CNTD1: variants seen among roughly 807,000 people sequenced by gnomAD.
CNTD1 encodes the protein cyclin N-terminal domain-containing protein 1.
Under a neutral mutation model 36.3 loss-of-function variants are expected in CNTD1, and 17 were observed. The observed-to-expected ratio is 0.47, with a 90% CI of 0.32 to 0.70. The LOEUF (loss-of-function observed/expected upper bound fraction) is 0.70. CNTD1 is among the 30% of genes least tolerant of loss of function. The probability of loss-of-function intolerance (pLI) is 0.03; values close to 1 mark genes in which losing one functional copy is unlikely to be tolerated. For synonymous variants in CNTD1, 128 were observed against 153.3 expected (o/e 0.83, Z 1.22); for missense variants, 338 against 386.1 (o/e 0.88, Z 1.04).
At position 42,805,948 on chromosome 17, in the gene CNTD1, T is replaced by TG. The variant is rs534658388; in HGVS notation, c.580+71dup. 3.4e-4 allele frequency: 488 copies of TG among 1,453,496 alleles called. 1 individual carries two copies. In the East Asian group the frequency reaches 3.4e-3, roughly 10 times the overall value. The allele number at this position is 1,453,496 out of a possible 1,614,324, so 90.0% of individuals were successfully genotyped here. On this transcript the variant is annotated intron_variant, in intron 4 of 6. Transcript: ENST00000588408. ...CATAGAAGGCAATACAAAATGTGCA[T>TG]GGGGGGGCATGGCTCATGCCTGTAA... is the stretch of plus-strand genomic sequence containing the variant.
In CNTD1 at chr17:42,811,555, T is replaced by C. The variant is rs1367637043; in HGVS notation, c.*2020T>C. 6.7e-7 allele frequency: 1 copy of C among 1,488,242 alleles called. No individual in the cohort carries two copies. The highest frequency in any genetic ancestry group is 1.4e-5 in the African/African-American group (1 of 70,990). 92.2% of individuals were successfully genotyped at this position (1,488,242 alleles called of 1,614,324 possible). On this transcript the variant is annotated 3_prime_UTR_variant, in exon 7 of 7. Coordinates refer to ENST00000588408, the MANE Select transcript of CNTD1 (RefSeq NM_173478.3). Reference sequence around the variant, plus strand: ...ATGTGATTCTGTGCCATTTTTTTGCTTTCCCACCATTTATACTGTTTTGCC... The same window carrying C: ...ATGTGATTCTGTGCCATTTTTTTGCCTTCCCACCATTTATACTGTTTTGCC...
intron 3 of CNTD1, chr17:42,805,311 A>T (rs1444916928): frequency 6.3e-6 from 1 of 159,862 alleles, no homozygotes; most frequent in Non-Finnish European, 1.4e-5. Context: ...GGGAAAAGAC[A>T]CATACAAATA....
At chr17:42,801,507 AAAAATATATAT>A (rs1410542902) in intron 1 of CNTD1, among the ~76,000 whole-genome samples, 2 of 55,362 alleles carry the variant, frequency 3.6e-5, no homozygotes, top group African/African-American at 2.4e-4. Context: ...AAAAAAAAAA[AAAAATATATAT>A]ATATATATAT....
At chr17:42,807,616 G>A (rs2054902345) in intron 5 of CNTD1, 152 bp from the exon 6 acceptor site, 1 of 624,024 alleles carries the variant, frequency 1.6e-6, no homozygotes, top group Admixed American at 2.6e-5. Context: ...GGGAGAGCAG[G>A]TCAATGAGCT....
rs2054876448 is a variant in CNTD1 at position 42,806,220 on chromosome 17, CCTT to C, written c.580+339_580+341del. Among the ~76,000 whole-genome samples the C allele has an allele frequency of 2.7e-5, 4 of 147,446 alleles. No individual in the cohort carries two copies. In the South Asian group the frequency reaches 8.4e-4, roughly 31 times the overall value. Reference sequence around the variant, plus strand: ...TCCAGCCTGAGCAACAGAGCGGACTCCTTCTCAAAAAAAAAAAAAAATGTGCAC... The same window carrying C: ...TCCAGCCTGAGCAACAGAGCGGACTCCTCAAAAAAAAAAAAAAATGTGCAC... On this transcript the variant is annotated intron_variant, in intron 4 of 6. Transcript: ENST00000588408.
In CNTD1 at chr17:42,806,834, T is replaced by C. The variant is rs750009308; in HGVS notation, c.725+16T>C. The C allele has an allele frequency of 5.6e-6, 9 of 1,613,160 alleles. No homozygotes were observed. Among genetic ancestry groups the C allele is most frequent in the East Asian group, 2.2e-5 (1 of 44,874 alleles). On this transcript the variant is annotated intron_variant, in intron 5 of 6. Coordinates refer to ENST00000588408, the MANE Select transcript of CNTD1 (RefSeq NM_173478.3). ...AGCTGCAAGGGTAAGACAACTCCTA[T>C]AGGGTAGGCTCCTTCCAGGAACAGG... is the stretch of plus-strand genomic sequence containing the variant.
intron 6 of CNTD1, among the ~76,000 whole-genome samples, chr17:42,808,690 C>T (rs1459701615): frequency 3.5e-5 from 5 of 144,492 alleles, no homozygotes; most frequent in South Asian, 2.2e-4. Context: ...GCCATGATTG[C>T]GCCACTGTAC....
chr17:42,801,508 AAAATATATATATAT>A lies in CNTD1; in HGVS notation c.170-2110_170-2097del, dbSNP rs1337657010. On this transcript the variant is annotated intron_variant, in intron 1 of 6. Coordinates refer to ENST00000588408, the MANE Select transcript of CNTD1 (RefSeq NM_173478.3). The stretch of plus-strand genomic sequence containing the variant: ...GAGACCTTGTCTCAAAAAAAAAAAA[AAAATATATATATAT>A]ATATATATATATATATATATATATA... Among the ~76,000 whole-genome samples, 26 of 50,970 alleles carry A rather than the reference AAAATATATATATAT, an allele frequency of 5.1e-4. 2 individuals are homozygous for A. Among genetic ancestry groups the A allele is most frequent in the African/African-American group, 2.0e-3 (13 of 6,528 alleles). The allele number at this position is 50,970 out of a possible 152,430, so 33.4% of individuals were successfully genotyped here.
At chr17:42,801,737 C>G (rs891509546) in intron 1 of CNTD1, among the ~76,000 whole-genome samples, 20 of 151,586 alleles carry the variant, frequency 1.3e-4, no homozygotes, top group African/African-American at 4.8e-4. Context: ...ATTGTTGAAA[C>G]TGTGGCAGAG....
rs2054960763 is a variant in CNTD1 at position 42,810,084 on chromosome 17, G to C, written c.*549G>C. 6.6e-6 allele frequency: 1 copy of C among 152,310 alleles called. No individual in the cohort carries two copies. The highest frequency in any genetic ancestry group is 1.5e-5 in the Non-Finnish European group (1 of 68,096). The allele number at this position is 152,310 out of a possible 1,614,324, so 9.4% of individuals were successfully genotyped here. A position where few individuals can be genotyped will look rare whatever the true frequency, so the allele number is the denominator to read the frequency against. On this transcript the variant is annotated 3_prime_UTR_variant, in exon 7 of 7. Coordinates refer to ENST00000588408, the MANE Select transcript of CNTD1 (RefSeq NM_173478.3). ...CATTCATTAGAACTTGATTCTCCCA[G>C]AATACAAAGTACTCTATTTTAAAGA...
At position 42,809,542 on chromosome 17, in the gene CNTD1, CTGAA is replaced by C; in HGVS notation, c.*9_*12del. On this transcript the variant is annotated 3_prime_UTR_variant, in exon 7 of 7. Transcript: ENST00000588408. ...TGCTTCCTCTAACACATGAGGGAGG[CTGAA>C]TCCACCAAATATAAACAGCCATCCG... The C allele has an allele frequency of 6.2e-7, 1 of 1,612,960 alleles. No homozygotes were observed. Among genetic ancestry groups the C allele is most frequent in the Non-Finnish European group, 8.5e-7 (1 of 1,179,158 alleles).
At chr17:42,804,465 C>T (rs544065244) in intron 3 of CNTD1, 69 bp downstream of exon 3, 9 of 1,280,452 alleles carry the variant, frequency 7.0e-6, no homozygotes, top group South Asian at 5.3e-5. Flanking sequence ...CAAAGGGGGG[C>T]TGTGATGAGC....
At chr17:42,807,972 C>A in intron 6 of CNTD1, 108 bp downstream of exon 6, 1 of 803,594 alleles carries the variant, frequency 1.2e-6, no homozygotes, top group East Asian at 2.6e-5. Flanking sequence ...TGCCAAGACC[C>A]AGGATTAGGA....
intron 1 of CNTD1, among the ~76,000 whole-genome samples, chr17:42,799,847 C>T (rs1333598315): frequency 1.4e-5 from 2 of 144,820 alleles, no homozygotes; most frequent in African/African-American, 5.2e-5. Context: ...GGGCAGATCA[C>T]GAGGTCAGGA....
rs961302653 is a variant in CNTD1, at chr17:42,806,768, G to C, written c.675G>C (p.Glu225Asp). The C allele has an allele frequency of 1.2e-6, 2 of 1,614,112 alleles. No homozygotes were observed. Among genetic ancestry groups the C allele is most frequent in the Admixed American group, 1.7e-5 (1 of 60,010 alleles). Residue 225 changes from glutamate (E) to aspartate (D), a missense_variant, in exon 5 of 7, where the codon GAG becomes GAC. Glu to Asp is a conservative substitution (Grantham distance 45, BLOSUM62 2). Transcript: ENST00000588408. ...LVYLLHEPIY[E>D]SLLRASIENS... ...ATCTTCTGCATGAACCCATATATGAGAGCCTGTTGAGGGCTTCAATTGAGA... is the reference window on the plus strand; with the variant it reads ...ATCTTCTGCATGAACCCATATATGACAGCCTGTTGAGGGCTTCAATTGAGA...
intron 6 of CNTD1, among the ~76,000 whole-genome samples, chr17:42,808,799 G>C (rs942776655): frequency 4.6e-5 from 7 of 152,030 alleles, no homozygotes; most frequent in Non-Finnish European, 2.9e-5. Context: ...TGTAACTCCA[G>C]CATTTTGGGA....
At chr17:42,807,090 A>G (rs1264132059) in intron 5 of CNTD1, among the ~76,000 whole-genome samples, 1 of 152,064 alleles carries the variant, frequency 6.6e-6, no homozygotes, top group Non-Finnish European at 1.5e-5. Context: ...ATAAAACTCA[A>G]GGTTACTGGA....
chr17:42,804,650 A>G (rs149462490), intron 3 of CNTD1, among the ~76,000 whole-genome samples: 3,032 of 152,240 alleles, frequency 0.02, 92 homozygotes, highest in African/African-American at 0.069. Flanking sequence ...TCTACTAAAA[A>G]TACAAAAATT....
At chr17:42,808,711 G>T (rs1165936121) in intron 6 of CNTD1, among the ~76,000 whole-genome samples, 1 of 151,062 alleles carries the variant, frequency 6.6e-6, no homozygotes, top group Non-Finnish European at 1.5e-5. Flanking sequence ...TCTAGCCTGG[G>T]CGACAGAGTG....
Sources: gnomAD v4.1 joint callset for allele counts (sites outside exome capture counted in the v4.1 genomes callset) on GRCh38, gnomAD v4.1.1 for gene constraint, MANE v1.5 for transcripts, NCBI Gene and HGNC (gene_info 2026-07-23, HGNC 2026-07-21) for gene names.